The following SETDB2 variants were observed in gnomAD, a reference collection of about 807,000 sequenced individuals.
The protein encoded by SETDB2 is SET domain bifurcated histone lysine methyltransferase 2.
SETDB2 carries 56 observed loss-of-function variants against 82.5 expected under a neutral mutation model. The observed-to-expected ratio is 0.68, with a 90% confidence interval of 0.55 to 0.85. SETDB2 has a LOEUF of 0.85. Among genes scored for constraint, SETDB2 ranks in the 40% least tolerant of loss-of-function variants. The pLI is 0.00. For synonymous variants in SETDB2, 272 were observed against 284.9 expected, an observed-to-expected ratio of 0.95 and a Z score of 0.46; for missense variants, 677 against 816.4, an observed-to-expected ratio of 0.83 and a Z score of 2.08.
Position 49,451,852 on chromosome 13 carries a change from C to T in SETDB2, c.-42C>T. The T allele has an allele frequency of 6.5e-7, 1 of 1,537,392 alleles. No individual in the cohort carries two copies. Among genetic ancestry groups the T allele is most frequent in the Non-Finnish European group, 8.9e-7 (1 of 1,123,306 alleles). On this transcript the variant is annotated 5_prime_UTR_variant, in exon 2 of 14. Transcript: ENST00000611815. ...TCTGCAATCAAAGTGATTTGATAAA[C>T]CTAATTTTGAAGCATTTTATATTTA...
chr13:49,464,845 T>G (rs1208536431), intron 4 of SETDB2, among the ~76,000 whole-genome samples: 1 of 152,016 alleles, frequency 6.6e-6, no homozygotes, highest in African/African-American at 2.4e-5. Flanking sequence ...GAGGATCACC[T>G]GAGCCCAGGA....
At chr13:49,485,896 G>C in intron 11 of SETDB2, 173 bp downstream of exon 11, 1 of 747,566 alleles carries the variant, frequency 1.3e-6, no homozygotes, top group South Asian at 1.4e-5. Context: ...GGCCAAATCT[G>C]GCCCTCTACC....
chr13:49,477,179 T>A, intron 6 of SETDB2, 140 bp downstream of exon 6: 1 of 756,444 alleles, frequency 1.3e-6, no homozygotes, highest in Non-Finnish European at 2.0e-6. Flanking sequence ...CCCACGTGTG[T>A]AATCCCAGCA....
intron 4 of SETDB2, among the ~76,000 whole-genome samples, chr13:49,461,620 A>C (rs1329718376): frequency 6.6e-6 from 1 of 152,190 alleles, no homozygotes; most frequent in Non-Finnish European, 1.5e-5. Flanking sequence ...CTAAAGAAAA[A>C]CTGTTTCTCT....
rs1056584019 is a variant in SETDB2, at chr13:49,482,796, GA to G, written c.1217del (p.Asp406ValfsTer5). 1 of 1,612,810 alleles carries G rather than the reference GA, an allele frequency of 6.2e-7. No individual in the cohort carries two copies. Among genetic ancestry groups the G allele is most frequent in the Non-Finnish European group, 8.5e-7 (1 of 1,179,136 alleles). The stretch of plus-strand genomic sequence containing the variant: ...TTATGGTATTGATGAAAACGGGAGA[GA>G]TGAGAATACTATGAAAAATATATTT... ...KSYGIDENGR[D>X]ENTMKNIFSK... On this transcript the variant is annotated frameshift_variant, in exon 9 of 14. Coordinates refer to ENST00000611815, the MANE Select transcript of SETDB2 (RefSeq NM_001160308.3). LOFTEE classifies it high-confidence loss of function.
Position 49,488,611 on chromosome 13 carries a change from A to G in SETDB2, c.1898A>G (p.Asn633Ser), listed in dbSNP as rs1469716426. Residue 633 changes from asparagine (N) to serine (S), a missense_variant, in exon 12 of 14, where the codon AAT (asparagine) becomes AGT (serine). Physicochemically the swap from Asn to Ser is conservative, Grantham distance 46. Transcript: ENST00000611815. ...TTATTGGATGCCACAAAAGAAGGAA[A>G]TGTCGGCCGCTTCCTTAATGTGAGT... ...VFLLDATKEG[N>S]VGRFLNHSCC... The G allele has an allele frequency of 3.1e-6, 5 of 1,596,522 alleles. No homozygotes were observed. Among genetic ancestry groups the G allele is most frequent in the Non-Finnish European group, 4.3e-6 (5 of 1,172,370 alleles).
intron 2 of SETDB2, among the ~76,000 whole-genome samples, chr13:49,452,270 C>T (rs996708799): frequency 2.6e-5 from 4 of 152,024 alleles, no homozygotes; most frequent in Non-Finnish European, 5.9e-5. Context: ...TGCCACCATG[C>T]CCAGCTAATT....
intron 5 of SETDB2, among the ~76,000 whole-genome samples, chr13:49,476,207 G>A (rs989749515): frequency 6.6e-6 from 1 of 152,072 alleles, no homozygotes; most frequent in Non-Finnish European, 1.5e-5. Context: ...GATCACTTGG[G>A]GACAAGAGTT....
intron 5 of SETDB2, 97 bp downstream of exon 5, chr13:49,468,057 AT>A: frequency 1.3e-6 from 1 of 762,696 alleles, no homozygotes; most frequent in Non-Finnish European, 1.9e-6. Context: ...ATACAAAAAA[AT>A]TTTTCCCATT....
chr13:49,457,549 T>A (rs1957912661), intron 2 of SETDB2, among the ~76,000 whole-genome samples: 1 of 151,396 alleles, frequency 6.6e-6, no homozygotes, highest in African/African-American at 2.4e-5. Flanking sequence ...TTCTCATGCC[T>A]CAGCCTCCCG....
intron 10 of SETDB2, among the ~76,000 whole-genome samples, chr13:49,483,776 C>G (rs1958533481): frequency 6.6e-6 from 1 of 151,774 alleles, no homozygotes. Flanking sequence ...TACAGGTGCA[C>G]ACCACCATGC....
In SETDB2 at chr13:49,461,159, A is replaced by G; in HGVS notation, c.205A>G (p.Lys69Glu). 1 of 1,598,214 alleles carries G rather than the reference A, an allele frequency of 6.3e-7. No individual in the cohort carries two copies. Among genetic ancestry groups the G allele is most frequent in the South Asian group, 1.1e-5 (1 of 90,530 alleles). The stretch of plus-strand genomic sequence containing the variant: ...TATAATTAACAGTTCAACATCAATA[A>G]AGGGTATGTACATCTCTATTCCCAT... ...ATIINSSTSI[K>E]DPMPVTQKEQ... The change falls in exon 4 of 14, where the codon AAG becomes GAG. Residue 69 changes from lysine to glutamate, a missense_variant. Around this residue, in one of 3 missense-constraint regions of SETDB2, gnomAD observed 243 missense variants for 237.2 expected, o/e 1.02. Coordinates refer to ENST00000611815, the MANE Select transcript of SETDB2 (RefSeq NM_001160308.3).
At chr13:49,482,288 G>A (rs1244183434) in intron 8 of SETDB2, 3 of 985,248 alleles carry the variant, frequency 3.0e-6, no homozygotes, top group African/African-American at 1.7e-5. Context: ...AGATTTTAGT[G>A]TTATGCAGAA....
In SETDB2 at chr13:49,461,156, A is replaced by T; in HGVS notation, c.202A>T (p.Ile68Leu). The T allele has an allele frequency of 6.2e-7, 1 of 1,601,164 alleles. No homozygotes were observed. Among genetic ancestry groups the T allele is most frequent in the Non-Finnish European group, 8.6e-7 (1 of 1,168,756 alleles). Residue 68 changes from isoleucine to leucine, a missense_variant, in exon 4 of 14, where the codon ATA becomes TTA. Ile to Leu is a conservative substitution (Grantham distance 5). This residue lies in a region of SETDB2 where 243 missense variants were observed against 237.2 expected (regional missense o/e 1.02). Coordinates refer to ENST00000611815, the MANE Select transcript of SETDB2 (RefSeq NM_001160308.3). ...AACTATAATTAACAGTTCAACATCA[A>T]TAAAGGGTATGTACATCTCTATTCC... ...EATIINSSTS[I>L]KDPMPVTQKE... is the part of the protein sequence containing the mutation.
At chr13:49,468,003 A>G (rs1958151830) in intron 5 of SETDB2, 43 bp downstream of exon 5, 1 of 1,394,702 alleles carries the variant, frequency 7.2e-7, no homozygotes, top group East Asian at 2.4e-5. Flanking sequence ...TTGCTCCTAC[A>G]GATTTCTTCT....
chr13:49,485,631 A>T lies in SETDB2; in HGVS notation c.1484A>T (p.Glu495Val). 6.2e-7 allele frequency: 1 copy of T among 1,608,618 alleles called. No homozygotes were observed. Among genetic ancestry groups the T allele is most frequent in the Non-Finnish European group, 8.5e-7 (1 of 1,178,284 alleles). ...AIFQHNGKKM[E>V]FVSSESVTPE... ...AGACATCTTCCTTGTTTTTTTAAGG[A>T]ATTTGTTTCCTCGGAGTCTGTCACT... The change falls in exon 11 of 14, where the codon GAA becomes GTA. Residue 495 changes from glutamate (E) to valine (V), a missense_variant and splice_region_variant. Coordinates refer to ENST00000611815, the MANE Select transcript of SETDB2 (RefSeq NM_001160308.3).
At chr13:49,476,408 CA>C in intron 5 of SETDB2, 67 bp from the exon 6 acceptor site, 2 of 1,052,994 alleles carry the variant, frequency 1.9e-6, no homozygotes, top group Non-Finnish European at 2.8e-6. Flanking sequence ...AGAAAATAAT[CA>C]TAGTTTTTTT....
At chr13:49,490,486 C>T (rs1170857464) in intron 12 of SETDB2, among the ~76,000 whole-genome samples, 3 of 152,082 alleles carry the variant, frequency 2.0e-5, no homozygotes, top group African/African-American at 4.8e-5. Context: ...AATAATTACA[C>T]ATGGAAACAT....
At chr13:49,485,493 T>C in intron 10 of SETDB2, 137 bp from the exon 11 acceptor site, 3 of 653,130 alleles carry the variant, frequency 4.6e-6, no homozygotes, top group Non-Finnish European at 8.0e-6. Context: ...AGACTCCTTA[T>C]GATATCAGCT....
Sources: allele counts gnomAD v4.1 joint callset (sites outside exome capture counted in the v4.1 genomes callset), GRCh38; gene constraint gnomAD v4.1.1; regional missense constraint gnomAD v4.1.1; transcripts MANE v1.5; gene names NCBI Gene and HGNC (gene_info 2026-07-23, HGNC 2026-07-21).